GLIS3: variants seen among roughly 807,000 people sequenced by gnomAD.
The protein encoded by GLIS3 is GLIS family zinc finger 3.
In GLIS3, 53 loss-of-function variants were observed where a neutral mutation model predicts 78.6. The observed-to-expected ratio is 0.67, with a 90% CI of 0.54 to 0.85. The LOEUF is 0.85. Ranked by LOEUF, GLIS3 falls within the 40% of genes least tolerant of loss-of-function variation. The probability of loss-of-function intolerance (pLI) is 0.00; values close to 1 mark genes in which losing one functional copy is unlikely to be tolerated. For missense variants in GLIS3, 1,703 were observed against 1,231.1 expected (o/e 1.38, Z -5.74); for synonymous variants, 684 against 509.9 (o/e 1.34, Z -4.60).
chr9:3,976,004 G>T (rs116256047), intron 4 of GLIS3, among the ~76,000 whole-genome samples: 1 of 152,180 alleles, frequency 6.6e-6, no homozygotes, highest in South Asian at 2.1e-4. Flanking sequence ...AGGTCCTGGC[G>T]GGCCATATGT....
intron 5 of GLIS3, among the ~76,000 whole-genome samples, chr9:3,933,628 G>A (rs904594734): frequency 1.3e-5 from 2 of 152,194 alleles, no homozygotes; most frequent in Admixed American, 6.5e-5. Context: ...CTTGTATGAT[G>A]TGAAATGTAA....
At chr9:4,478,083 G>T in the GLIS3 span, among the ~76,000 whole-genome samples, 1 of 152,076 alleles carries the variant, frequency 6.6e-6, no homozygotes, top group Admixed American at 6.6e-5. Flanking sequence ...ACTGATTCCA[G>T]TTTCAGGGCA....
intron 4 of GLIS3, among the ~76,000 whole-genome samples, chr9:3,986,694 G>A (rs1346933684): frequency 2.0e-5 from 3 of 152,136 alleles, no homozygotes; most frequent in East Asian, 1.9e-4. Flanking sequence ...TTGCCCCCTC[G>A]GGCAGTACCA....
At chr9:4,355,418 T>C in the GLIS3 span, among the ~76,000 whole-genome samples, 1 of 152,156 alleles carries the variant, frequency 6.6e-6, no homozygotes, top group East Asian at 1.9e-4. Context: ...ACTATAGGTA[T>C]CACTATGATT....
the GLIS3 span, among the ~76,000 whole-genome samples, chr9:4,395,980 G>C: frequency 2.0e-5 from 3 of 151,644 alleles, no homozygotes; most frequent in Admixed American, 1.3e-4. Flanking sequence ...CACCATGTTG[G>C]CTAGGATGGT....
the GLIS3 span, among the ~76,000 whole-genome samples, chr9:4,366,723 C>T: frequency 6.6e-6 from 1 of 152,162 alleles, no homozygotes; most frequent in African/African-American, 2.4e-5. Flanking sequence ...GGCTCCAGGC[C>T]TAGGAGTGCC....
the GLIS3 span, among the ~76,000 whole-genome samples, chr9:4,463,700 T>A: frequency 6.6e-6 from 1 of 152,204 alleles, no homozygotes; most frequent in Non-Finnish European, 1.5e-5. Flanking sequence ...ATAAAAATGT[T>A]CCAGGTCAAA....
At chr9:4,165,035 G>C (rs1474419387) in intron 2 of GLIS3, among the ~76,000 whole-genome samples, 2 of 152,180 alleles carry the variant, frequency 1.3e-5, no homozygotes, top group Admixed American at 6.5e-5. Flanking sequence ...GGAAACCCAT[G>C]TAGGCTGTGT....
chr9:4,264,963 G>A (rs954217293), intron 2 of GLIS3, among the ~76,000 whole-genome samples: 7 of 151,608 alleles, frequency 4.6e-5, no homozygotes, highest in Non-Finnish European at 7.4e-5. Context: ...TCAGGAGATC[G>A]AGACCATCCT....
intron 4 of GLIS3, among the ~76,000 whole-genome samples, chr9:3,996,792 A>G (rs1389015201): frequency 6.6e-6 from 1 of 152,318 alleles, no homozygotes; most frequent in East Asian, 1.9e-4. Flanking sequence ...TGCCTAGGCT[A>G]ATAAAGAAAA....
At chr9:4,034,687 G>T (rs1420554596) in intron 4 of GLIS3, 1 of 152,212 alleles carries the variant, frequency 6.6e-6, no homozygotes, top group Non-Finnish European at 1.5e-5. Context: ...CGGGATCACA[G>T]GAACTCTCTT....
chr9:3,900,599 T>C (rs992697564), intron 6 of GLIS3, among the ~76,000 whole-genome samples: 4 of 152,166 alleles, frequency 2.6e-5, no homozygotes, highest in African/African-American at 7.2e-5. Flanking sequence ...GGCTAATCAA[T>C]GATTTTACCT....
chr9:4,384,460 G>A, the GLIS3 span, among the ~76,000 whole-genome samples: 1 of 151,762 alleles, frequency 6.6e-6, no homozygotes, highest in African/African-American at 2.4e-5. Context: ...GTTTGCCAAT[G>A]GCATTGAAAT....
chr9:4,095,067 A>G (rs547526526), intron 4 of GLIS3, among the ~76,000 whole-genome samples: 8 of 152,290 alleles, frequency 5.3e-5, no homozygotes, highest in African/African-American at 1.4e-4. Context: ...ATTTGAAACT[A>G]TACACTATGT....
At chr9:4,382,894 T>C in the GLIS3 span, among the ~76,000 whole-genome samples, 3 of 152,228 alleles carry the variant, frequency 2.0e-5, no homozygotes, top group Admixed American at 6.5e-5. Context: ...CTGGTGTCAC[T>C]ACTGCCTAAT....
the GLIS3 span, among the ~76,000 whole-genome samples, chr9:4,420,270 T>C: frequency 1.8e-3 from 277 of 152,294 alleles, 3 homozygotes; most frequent in African/African-American, 6.4e-3. Flanking sequence ...ATTTGCAGAA[T>C]AGGCCAGGAG....
chr9:4,041,413 A>C (rs572531139), intron 4 of GLIS3, among the ~76,000 whole-genome samples: 1 of 152,280 alleles, frequency 6.6e-6, no homozygotes, highest in South Asian at 2.1e-4. Flanking sequence ...TAGGCAAATC[A>C]ACTATCTCAA....
intron 2 of GLIS3, among the ~76,000 whole-genome samples, chr9:4,338,044 G>GTC (rs1411452823): frequency 2.1e-5 from 3 of 143,022 alleles, no homozygotes; most frequent in African/African-American, 8.3e-5. Flanking sequence ...GTGTGTGTGT[G>GTC]TGTGTGTGTG....
chr9:4,114,608 A>C (rs184084511), intron 4 of GLIS3, among the ~76,000 whole-genome samples: 217 of 152,330 alleles, frequency 1.4e-3, no homozygotes, highest in Middle Eastern at 3.4e-3. Context: ...AGAAAGTACT[A>C]TAGTTAATAG....
Sources: gnomAD v4.1 joint callset for allele counts (sites outside exome capture counted in the v4.1 genomes callset) on GRCh38, gnomAD v4.1.1 for gene constraint, MANE v1.5 for transcripts, NCBI Gene and HGNC (gene_info 2026-07-23, HGNC 2026-07-21) for gene names.